The following OR3A2 variants were observed in gnomAD, a reference collection of about 807,000 sequenced individuals.
OR3A2 encodes the protein olfactory receptor 3A2.
For synonymous variants in OR3A2, 126 were observed against 159.3 expected, an observed-to-expected ratio of 0.79 and a Z score of 1.57; for missense variants, 318 against 392.8, an observed-to-expected ratio of 0.81 and a Z score of 1.61.
At chr17:3,326,543 C>T (rs1369154547) in intron 3 of OR3A2, among the ~76,000 whole-genome samples, 2 of 143,978 alleles carry the variant, frequency 1.4e-5, no homozygotes, top group Non-Finnish European at 3.0e-5. Flanking sequence ...TTATGCCTGT[C>T]TTTTTTTTTT....
chr17:3,368,611 A>G (rs2049584257), intron 2 of OR3A2, among the ~76,000 whole-genome samples: 1 of 152,110 alleles, frequency 6.6e-6, no homozygotes, highest in East Asian at 1.9e-4. Context: ...TTTTTATATC[A>G]GTACCATGTT....
At chr17:3,354,516 G>T (rs1282432363) in intron 2 of OR3A2, among the ~76,000 whole-genome samples, 1 of 151,184 alleles carries the variant, frequency 6.6e-6, no homozygotes, top group Non-Finnish European at 1.5e-5. Context: ...TTGGTAGGTT[G>T]TATGTGTCTA....
intron 3 of OR3A2, among the ~76,000 whole-genome samples, chr17:3,323,682 T>G (rs1040086757): frequency 3.7e-4 from 57 of 152,168 alleles, no homozygotes; most frequent in African/African-American, 8.0e-4. Context: ...GTTGAATATT[T>G]GCCCCCACTC....
intron 2 of OR3A2, among the ~76,000 whole-genome samples, chr17:3,363,196 T>C (rs2049533582): frequency 6.6e-6 from 1 of 151,916 alleles, no homozygotes. Flanking sequence ...TTGTCTTTTC[T>C]ACCTCATGGT....
chr17:3,349,241 T>C (rs1183943651), intron 2 of OR3A2, among the ~76,000 whole-genome samples: 1 of 152,094 alleles, frequency 6.6e-6, no homozygotes, highest in East Asian at 1.9e-4. Context: ...ACTGGCAAAT[T>C]GGATAAAGAG....
chr17:3,376,993 C>G (rs544902683), intron 2 of OR3A2, among the ~76,000 whole-genome samples: 2 of 152,326 alleles, frequency 1.3e-5, no homozygotes, highest in East Asian at 3.9e-4. Flanking sequence ...CTCCCATGAT[C>G]TGATTTTCAG....
intron 3 of OR3A2, among the ~76,000 whole-genome samples, chr17:3,325,814 A>G (rs919237356): frequency 3.3e-5 from 5 of 152,068 alleles, no homozygotes; most frequent in Non-Finnish European, 5.9e-5. Context: ...GTTCCAGGGT[A>G]TACGTGCAGG....
At chr17:3,290,110 T>C (rs139177105) in intron 3 of OR3A2, among the ~76,000 whole-genome samples, 2 of 152,238 alleles carry the variant, frequency 1.3e-5, no homozygotes, top group East Asian at 3.9e-4. Flanking sequence ...GGTGTACTTT[T>C]TTTGTACACT....
chr17:3,287,310 C>T (rs536065112), upstream of OR3A2, among the ~76,000 whole-genome samples: 1 of 146,934 alleles, frequency 6.8e-6, no homozygotes, highest in South Asian at 2.3e-4. Flanking sequence ...GTTCCCATCA[C>T]TCAAATAATG....
intron 2 of OR3A2, among the ~76,000 whole-genome samples, chr17:3,345,691 T>C (rs2049358344): frequency 6.6e-6 from 1 of 151,982 alleles, no homozygotes; most frequent in African/African-American, 2.4e-5. Flanking sequence ...TGATGGATAA[T>C]AGGAGATAAA....
chr17:3,381,412 C>T (rs1049721215), intron 2 of OR3A2, among the ~76,000 whole-genome samples: 5 of 151,680 alleles, frequency 3.3e-5, no homozygotes, highest in African/African-American at 1.2e-4. Context: ...TCAAAGCAGA[C>T]ACCTGCCTGA....
At chr17:3,360,052 T>C (rs537246966) in intron 2 of OR3A2, among the ~76,000 whole-genome samples, 1 of 151,946 alleles carries the variant, frequency 6.6e-6, no homozygotes, top group East Asian at 1.9e-4. Flanking sequence ...GTAAAAGTGT[T>C]CCTATTTCTC....
intron 2 of OR3A2, among the ~76,000 whole-genome samples, chr17:3,340,065 T>A (rs1284002768): frequency 6.6e-6 from 1 of 152,200 alleles, no homozygotes; most frequent in East Asian, 1.9e-4. Context: ...TGTGTAGAGG[T>A]GTTTATAGTA....
At chr17:3,305,199 G>A (rs1215553942) in intron 3 of OR3A2, among the ~76,000 whole-genome samples, 3 of 152,106 alleles carry the variant, frequency 2.0e-5, no homozygotes, top group South Asian at 2.1e-4. Flanking sequence ...AAGTATTTAG[G>A]GGGACATGTA....
intron 3 of OR3A2, among the ~76,000 whole-genome samples, chr17:3,330,844 C>A (rs1190730888): frequency 6.6e-6 from 1 of 151,974 alleles, no homozygotes. Flanking sequence ...TTTGCAGCAG[C>A]TGGTACCGGT....
intron 3 of OR3A2, among the ~76,000 whole-genome samples, chr17:3,315,958 CA>C (rs1296707034): frequency 2.0e-5 from 3 of 152,050 alleles, no homozygotes; most frequent in African/African-American, 7.2e-5. Context: ...AGAATCAAAC[CA>C]AACAGCTCTT....
intron 1 of OR3A2, 95 bp from the exon 4 acceptor site, chr17:3,279,248 G>A (rs2048763288): frequency 2.5e-6 from 1 of 402,176 alleles, no homozygotes; most frequent in East Asian, 4.2e-5. Flanking sequence ...GGGGGAAATG[G>A]GTAACTATGT....
chr17:3,331,609 C>T lies in OR3A2; in HGVS notation c.-85+4424G>A, dbSNP rs2049235280. Among the ~76,000 whole-genome samples, 3 of 152,060 alleles carry T rather than the reference C, an allele frequency of 2.0e-5. No homozygotes were observed. In the South Asian group the frequency reaches 6.2e-4, roughly 32 times the overall value. On this transcript the variant is annotated intron_variant, in intron 3 of 4. Transcript: ENST00000573491. ...CTCTGTATTGGTTATTCTACTTATA[C>T]ATTCTTCTAAATTTCTTTCAAAGTT...
At chr17:3,364,852 C>T (rs1236950208) in intron 2 of OR3A2, among the ~76,000 whole-genome samples, 3 of 151,806 alleles carry the variant, frequency 2.0e-5, no homozygotes, top group African/African-American at 4.8e-5. Context: ...AAGTGCCCAT[C>T]AGTGGGGAAA....
Sources: allele counts gnomAD v4.1 joint callset (sites outside exome capture counted in the v4.1 genomes callset), GRCh38; gene constraint gnomAD v4.1.1; transcripts MANE v1.5; gene names NCBI Gene and HGNC (gene_info 2026-07-23, HGNC 2026-07-21).